The following SPAG16 variants were observed in gnomAD, a reference collection of about 807,000 sequenced individuals.
SPAG16 encodes the protein sperm-associated antigen 16 protein.
A neutral mutation model predicts 80.4 loss-of-function variants in SPAG16; 86 were observed. That is an observed-to-expected ratio of 1.07 (90% CI 0.90 to 1.28). The LOEUF (loss-of-function observed/expected upper bound fraction) is 1.28, where lower values mean the gene tolerates loss of function less well. SPAG16 is among the 50% of genes most tolerant of loss of function. SPAG16 has a pLI of 0.00. For synonymous variants in SPAG16, 294 were observed against 265.9 expected (o/e 1.11, Z -1.03); for missense variants, 870 against 765.3 (o/e 1.14, Z -1.61).
At chr2:214,368,419 G>T (rs1699616424) in intron 15 of SPAG16, among the ~76,000 whole-genome samples, 1 of 151,940 alleles carries the variant, frequency 6.6e-6, no homozygotes, top group Non-Finnish European at 1.5e-5. Flanking sequence ...TCACAATAAG[G>T]CCCAATAGGT....
intron 15 of SPAG16, among the ~76,000 whole-genome samples, chr2:214,222,999 G>C (rs1283780467): frequency 1.3e-5 from 2 of 151,996 alleles, no homozygotes; most frequent in Non-Finnish European, 2.9e-5. Flanking sequence ...CTAATTTCTT[G>C]ACAAAAAAGA....
intron 1 of SPAG16, among the ~76,000 whole-genome samples, chr2:213,287,431 G>A (rs2062095256): frequency 1.3e-5 from 2 of 152,158 alleles, no homozygotes; most frequent in African/African-American, 4.8e-5. Context: ...AGAAAGCTAA[G>A]GGTTAATTGA....
intron 13 of SPAG16, among the ~76,000 whole-genome samples, chr2:214,035,826 C>T (rs1441929013): frequency 6.6e-6 from 1 of 152,278 alleles, no homozygotes; most frequent in East Asian, 1.9e-4. Context: ...GCCCAGGGAG[C>T]ACGAAGTTCC....
intron 5 of SPAG16, among the ~76,000 whole-genome samples, chr2:213,321,920 C>T (rs2063625976): frequency 6.6e-6 from 1 of 151,878 alleles, no homozygotes; most frequent in Admixed American, 6.6e-5. Flanking sequence ...GAAATGTAGA[C>T]CAATTGTTAT....
chr2:214,042,033 A>G (rs1575944284), intron 13 of SPAG16, among the ~76,000 whole-genome samples: 1 of 141,874 alleles, frequency 7.0e-6, no homozygotes, highest in Non-Finnish European at 1.5e-5. Context: ...TATATACACA[A>G]ACATGTAATA....
intron 13 of SPAG16, among the ~76,000 whole-genome samples, chr2:214,084,931 GTA>G (rs2125279662): frequency 6.6e-6 from 1 of 152,294 alleles, no homozygotes; most frequent in South Asian, 2.1e-4. Context: ...AGTAAACAAA[GTA>G]TGTGGTAAGT....
chr2:213,315,863 G>C (rs1360224103), intron 4 of SPAG16, among the ~76,000 whole-genome samples: 1 of 151,692 alleles, frequency 6.6e-6, no homozygotes, highest in Non-Finnish European at 1.5e-5. Context: ...ACTATTTCAC[G>C]GGCCTCTCTT....
chr2:214,258,382 C>T (rs1311670929), intron 15 of SPAG16, among the ~76,000 whole-genome samples: 2 of 151,620 alleles, frequency 1.3e-5, no homozygotes, highest in Non-Finnish European at 2.9e-5. Context: ...TAGTGGTCTC[C>T]AACTCCATCC....
chr2:214,178,927 C>T (rs576932524), intron 15 of SPAG16, among the ~76,000 whole-genome samples: 15 of 151,066 alleles, frequency 9.9e-5, no homozygotes, highest in Admixed American at 4.6e-4. Flanking sequence ...CAGTTGTTAC[C>T]GTCATTTAGT....
chr2:214,317,666 G>A lies in SPAG16; in HGVS notation c.1721-92474G>A, dbSNP rs1393680112. 4.6e-5 allele frequency among the ~76,000 whole-genome samples: 7 copies of A among 152,190 alleles called. No individual in the cohort carries two copies. In the South Asian group the frequency reaches 1.2e-3, roughly 27 times the overall value. ...AATTCATCAGTTTAACAATGTCAGG[G>A]TTCTGGTTCTCTGTGATTGTATCAG... On this transcript the variant is annotated intron_variant, in intron 15 of 15. Transcript: ENST00000331683.
intron 15 of SPAG16, among the ~76,000 whole-genome samples, chr2:214,294,229 CTCTTGGCTAAGATTG>C: frequency 6.6e-6 from 1 of 152,202 alleles, no homozygotes; most frequent in East Asian, 1.9e-4. Context: ...GAGGGGCTTG[CTCTTGGCTAAGATTG>C]TGTAAGTCCA....
intron 10 of SPAG16, among the ~76,000 whole-genome samples, chr2:213,598,116 A>G (rs187608788): frequency 2.0e-5 from 3 of 152,222 alleles, no homozygotes; most frequent in Non-Finnish European, 2.9e-5. Flanking sequence ...CTGAGCCCCA[A>G]TTATTTCTGT....
At chr2:213,605,218 T>G (rs1163870530) in intron 10 of SPAG16, among the ~76,000 whole-genome samples, 2 of 152,190 alleles carry the variant, frequency 1.3e-5, no homozygotes, top group African/African-American at 2.4e-5. Context: ...ACTGGATAAT[T>G]TTGAAGCAAA....
At chr2:214,099,795 TG>T (rs1230110208) in intron 13 of SPAG16, among the ~76,000 whole-genome samples, 1 of 152,238 alleles carries the variant, frequency 6.6e-6, no homozygotes, top group East Asian at 1.9e-4. Context: ...ATTGTAGGGA[TG>T]TTTTTACTAA....
chr2:214,324,329 A>G (rs1042367111), intron 15 of SPAG16, among the ~76,000 whole-genome samples: 1 of 152,190 alleles, frequency 6.6e-6, no homozygotes, highest in African/African-American at 2.4e-5. Context: ...TAAAGTTTTT[A>G]GTATTTCAAT....
chr2:213,296,153 A>G (rs1309377740), intron 2 of SPAG16, 43 bp downstream of exon 2: 1 of 1,352,740 alleles, frequency 7.4e-7, no homozygotes, highest in South Asian at 1.2e-5. Context: ...AATTTATTGC[A>G]GTCATTCTCA....
intron 14 of SPAG16, among the ~76,000 whole-genome samples, chr2:214,138,715 A>T (rs1198502323): frequency 6.6e-6 from 1 of 152,106 alleles, no homozygotes; most frequent in Non-Finnish European, 1.5e-5. Flanking sequence ...GGAAGATTAC[A>T]CATGTATATG....
chr2:213,572,840 G>T (rs62192358), intron 10 of SPAG16, among the ~76,000 whole-genome samples: 1 of 151,412 alleles, frequency 6.6e-6, no homozygotes, highest in Non-Finnish European at 1.5e-5. Flanking sequence ...CCCCAGCCTC[G>T]CTGCTGCCTT....
intron 15 of SPAG16, among the ~76,000 whole-genome samples, chr2:214,400,382 T>C (rs921314389): frequency 6.6e-6 from 1 of 151,856 alleles, no homozygotes; most frequent in African/African-American, 2.4e-5. Context: ...ATTGAAAATA[T>C]TCAAAAAAAA....
Sources: allele counts gnomAD v4.1 joint callset (sites outside exome capture counted in the v4.1 genomes callset), GRCh38; gene constraint gnomAD v4.1.1; transcripts MANE v1.5; gene names NCBI Gene and HGNC (gene_info 2026-07-23, HGNC 2026-07-21).